Variants in UTP20 observed in about 807,000 individuals in gnomAD.
UTP20 encodes the protein small subunit processome component 20 homolog.
A neutral mutation model predicts 329.5 loss-of-function variants in UTP20; 164 were observed. That is an observed-to-expected ratio of 0.50 (90% CI 0.44 to 0.57). UTP20 has a LOEUF of 0.57. UTP20 is among the 20% of genes least tolerant of loss of function. UTP20 has a pLI of 0.00. For synonymous variants in UTP20, 1,151 were observed against 1,159.3 expected (o/e 0.99, Z 0.14); for missense variants, 3,055 against 3,284.2 (o/e 0.93, Z 1.71).
intron 42 of UTP20, 94 bp from the exon 43 acceptor site, chr12:101,356,832 T>C: frequency 1.4e-6 from 2 of 1,480,124 alleles, no homozygotes; most frequent in Non-Finnish European, 1.8e-6. Context: ...ACAGGAAAAT[T>C]TGAGTTACGA....
In UTP20 at chr12:101,320,892, T is replaced by G. The variant is rs1868356721; in HGVS notation, c.2870T>G (p.Leu957Trp). The G allele has an allele frequency of 2.5e-6, 4 of 1,611,968 alleles. No individual in the cohort carries two copies. Among genetic ancestry groups the G allele is most frequent in the Non-Finnish European group, 3.4e-6 (4 of 1,179,602 alleles). The part of the protein sequence containing the change: ...HQDQMVQKIT[L>W]DCIMTYKHPH... ...GATCAAATGGTGCAAAAAATAACCTTGGATTGCATAATGACATATAAACAT... is the reference window on the plus strand; with the variant it reads ...GATCAAATGGTGCAAAAAATAACCTGGGATTGCATAATGACATATAAACAT... The change falls in exon 24 of 62, where the codon TTG becomes TGG. Residue 957 changes from leucine to tryptophan, a missense_variant. By Grantham distance (61) the Leu-to-Trp change is moderately conservative. Coordinates refer to ENST00000261637, the MANE Select transcript of UTP20 (RefSeq NM_014503.3).
chr12:101,356,750 CCTTA>C, intron 42 of UTP20, 57 bp downstream of exon 42: 1 of 1,563,842 alleles, frequency 6.4e-7, no homozygotes, highest in Non-Finnish European at 8.7e-7. Context: ...TTCTTTTCTT[CCTTA>C]CTTTTGAGTC....
intron 56 of UTP20, among the ~76,000 whole-genome samples, chr12:101,375,980 C>T (rs1298098018): frequency 6.6e-6 from 1 of 151,922 alleles, no homozygotes; most frequent in Non-Finnish European, 1.5e-5. Flanking sequence ...CTTTCAAAGT[C>T]CTGTTTGGTA....
rs1871743977 is a variant in UTP20 at position 101,280,157 on chromosome 12, A to C, written c.-126A>C. The stretch of plus-strand genomic sequence containing the variant: ...GGCGGCGCCCAGGGGCTCAAGCCGC[A>C]CGTGAGAAAGTCTGGGCATCTGGGA... On this transcript the variant is annotated 5_prime_UTR_variant, in exon 1 of 62. Transcript: ENST00000261637. 1 of 1,260,334 alleles carries C rather than the reference A, an allele frequency of 7.9e-7. No homozygotes were observed. The allele number at this position is 1,260,334 out of a possible 1,614,324, so 78.1% of individuals were successfully genotyped here.
intron 11 of UTP20, among the ~76,000 whole-genome samples, chr12:101,295,124 CTCT>C (rs1345077351): frequency 1.3e-5 from 2 of 152,080 alleles, no homozygotes; most frequent in Admixed American, 6.5e-5. Flanking sequence ...GTTCCGTGTT[CTCT>C]TCTTCTTATA....
chr12:101,346,706 G>C, intron 38 of UTP20, 118 bp downstream of exon 38: 1 of 1,055,788 alleles, frequency 9.5e-7, no homozygotes, highest in East Asian at 2.7e-5. Flanking sequence ...TAGAGGTTTA[G>C]AATAGTTCTA....
At position 101,344,749 on chromosome 12, in the gene UTP20, A is replaced by G; in HGVS notation, c.4604A>G (p.Glu1535Gly). 6.2e-7 allele frequency: 1 copy of G among 1,613,346 alleles called. No individual in the cohort carries two copies. Among genetic ancestry groups the G allele is most frequent in the South Asian group, 1.1e-5 (1 of 91,038 alleles). ...AGAAAAGGTCTGAAGAGCCAGACAG[A>G]GGTATATAACTTTGTGTTTTAGGCA... is the stretch of plus-strand genomic sequence containing the variant. ...KLRKGLKSQTESIQQDYTTIL... is the reference protein window; with the variant it reads ...KLRKGLKSQTGSIQQDYTTIL... Residue 1535 changes from glutamate (E) to glycine (G), a missense_variant and splice_region_variant, in exon 36 of 62, where the codon GAG (glutamate) becomes GGG (glycine). This residue lies in a region of UTP20 where 2,445 missense variants were observed against 2,575.5 expected (regional missense o/e 0.95). Transcript: ENST00000261637.
At chr12:101,341,375 A>C (rs1008278927) in intron 32 of UTP20, among the ~76,000 whole-genome samples, 3 of 152,200 alleles carry the variant, frequency 2.0e-5, no homozygotes, top group Non-Finnish European at 4.4e-5. Flanking sequence ...TATGATTTTC[A>C]AACCCTAGTT....
intron 57 of UTP20, among the ~76,000 whole-genome samples, chr12:101,380,403 G>C (rs1156963084): frequency 6.6e-6 from 1 of 151,958 alleles, no homozygotes; most frequent in Non-Finnish European, 1.5e-5. Context: ...AGAAAGAAAA[G>C]AAAAGAAAAT....
chr12:101,383,479 C>T (rs1461477505), intron 59 of UTP20, 64 bp from the exon 60 acceptor site: 29 of 1,563,448 alleles, frequency 1.9e-5, no homozygotes, highest in Non-Finnish European at 2.3e-5. Context: ...TCAATTAATG[C>T]TGTGTCTATG....
chr12:101,322,456 GA>G (rs1868396122), intron 25 of UTP20, among the ~76,000 whole-genome samples: 1 of 152,072 alleles, frequency 6.6e-6, no homozygotes, highest in Non-Finnish European at 1.5e-5. Flanking sequence ...ATAAATGGTA[GA>G]GCAAAAAGAT....
chr12:101,315,055 G>A (rs1440002307), intron 21 of UTP20, among the ~76,000 whole-genome samples: 1 of 152,122 alleles, frequency 6.6e-6, no homozygotes, highest in African/African-American at 2.4e-5. Flanking sequence ...TCGTGCCACG[G>A]CACTCCAACC....
intron 56 of UTP20, among the ~76,000 whole-genome samples, chr12:101,378,245 C>T (rs374328550): frequency 1.1e-4 from 16 of 152,248 alleles, no homozygotes; most frequent in African/African-American, 3.4e-4. Context: ...ATAATTCCAA[C>T]GTCACAGAAT....
At chr12:101,375,261 A>AC (rs34154828) in intron 55 of UTP20, among the ~76,000 whole-genome samples, 2 of 115,042 alleles carry the variant, frequency 1.7e-5, no homozygotes, top group Admixed American at 1.8e-4. Context: ...ACCCTGACTC[A>AC]AAAAAAAAAT....
At chr12:101,368,450 A>G (rs59440117) in intron 48 of UTP20, among the ~76,000 whole-genome samples, 106 of 152,116 alleles carry the variant, frequency 7.0e-4, no homozygotes, top group African/African-American at 2.5e-3. Context: ...TTGAGTTTTT[A>G]AAGAGATTTA....
Position 101,280,172 on chromosome 12 carries a change from G to T in UTP20, c.-111G>T. 2.9e-6 allele frequency: 4 copies of T among 1,374,414 alleles called. No individual in the cohort carries two copies. Among genetic ancestry groups the T allele is most frequent in the Non-Finnish European group, 4.0e-6 (4 of 1,004,812 alleles). The allele number at this position is 1,374,414 out of a possible 1,614,324, so 85.1% of individuals were successfully genotyped here. On this transcript the variant is annotated 5_prime_UTR_variant, in exon 1 of 62. Coordinates refer to ENST00000261637, the MANE Select transcript of UTP20 (RefSeq NM_014503.3). ...CTCAAGCCGCACGTGAGAAAGTCTG[G>T]GCATCTGGGAATCGGAGAGTATAGC... is the stretch of plus-strand genomic sequence containing the variant.
chr12:101,355,007 T>C lies in UTP20; in HGVS notation c.5283T>C (p.Pro1761=). The change falls in exon 41 of 62, where the codon CCT becomes CCC. Residue 1761 remains proline, a synonymous_variant. Transcript: ENST00000261637. ...AAGAATCCGAGTGTATCACAAAGCC[T>C]GTCTCTTTCCTTCCTCAAAACAAGG... ...SAKESECITK[P]VSFLPQNKEE... The C allele has an allele frequency of 6.2e-7, 1 of 1,614,220 alleles. No homozygotes were observed. Among genetic ancestry groups the C allele is most frequent in the Non-Finnish European group, 8.5e-7 (1 of 1,180,042 alleles).
At chr12:101,350,377 C>A (rs952775803) in intron 38 of UTP20, among the ~76,000 whole-genome samples, 47 of 151,994 alleles carry the variant, frequency 3.1e-4, no homozygotes, top group Non-Finnish European at 3.8e-4. Flanking sequence ...CGCTTTGTTG[C>A]CCAGGCTAGT....
rs868385134 is a variant in UTP20 at position 101,345,637 on chromosome 12, A to G, written c.4689A>G (p.Gln1563=). 6.2e-7 allele frequency: 1 copy of G among 1,613,264 alleles called. No homozygotes were observed. Among genetic ancestry groups the G allele is most frequent in the Non-Finnish European group, 8.5e-7 (1 of 1,179,628 alleles). Residue 1563 remains glutamine (Q), a synonymous_variant, in exon 37 of 62, where the codon CAA becomes CAG. Coordinates refer to ENST00000261637, the MANE Select transcript of UTP20 (RefSeq NM_014503.3). ...PNQLEFKDLV[Q]LTHYHDPEMD... ...AACTGGAATTCAAAGACTTGGTACA[A>G]CTTACTCATTACCATGACCCAGAAA...
Sources: gnomAD v4.1 joint callset for allele counts (sites outside exome capture counted in the v4.1 genomes callset) on GRCh38, gnomAD v4.1.1 for gene constraint, gnomAD v4.1.1 regional missense constraint, MANE v1.5 for transcripts, NCBI Gene and HGNC (gene_info 2026-07-23, HGNC 2026-07-21) for gene names.